The following SLC24A2 variants were observed in gnomAD, a reference collection of about 807,000 sequenced individuals.
SLC24A2 encodes the protein solute carrier family 24 member 2.
SLC24A2 carries 36 observed loss-of-function variants against 62.0 expected under a neutral mutation model. That is an observed-to-expected ratio of 0.58 (90% CI 0.44 to 0.77). The LOEUF (loss-of-function observed/expected upper bound fraction) is 0.77. SLC24A2 is among the 30% of genes least tolerant of loss of function. The probability of loss-of-function intolerance (pLI) is 0.00; values close to 1 mark genes in which losing one functional copy is unlikely to be tolerated. For synonymous variants in SLC24A2, 358 were observed against 294.0 expected, an observed-to-expected ratio of 1.22 and a Z score of -2.23; for missense variants, 846 against 817.9, an observed-to-expected ratio of 1.03 and a Z score of -0.42.
chr9:19,920,331 T>C, the SLC24A2 span, among the ~76,000 whole-genome samples: 4 of 152,228 alleles, frequency 2.6e-5, no homozygotes, highest in Admixed American at 2.6e-4. Context: ...GAGTTAGTTT[T>C]TGGACAATTT....
intron 2 of SLC24A2, among the ~76,000 whole-genome samples, chr9:19,670,917 G>T (rs754164028): frequency 1.3e-5 from 2 of 152,100 alleles, no homozygotes; most frequent in Admixed American, 1.3e-4. Flanking sequence ...CCAGTGCCAA[G>T]ACCTCAAACT....
chr9:20,134,639 GAA>G, the SLC24A2 span, among the ~76,000 whole-genome samples: 1 of 152,138 alleles, frequency 6.6e-6, no homozygotes, highest in African/African-American at 2.4e-5. Context: ...GGAAAATTTT[GAA>G]AAGTGTTATT....
At chr9:20,270,638 C>T in the SLC24A2 span, among the ~76,000 whole-genome samples, 1 of 152,138 alleles carries the variant, frequency 6.6e-6, no homozygotes, top group Non-Finnish European at 1.5e-5. Context: ...AAGATCTTTC[C>T]CAGCCCAAAG....
At chr9:20,266,551 T>C in the SLC24A2 span, among the ~76,000 whole-genome samples, 2 of 152,170 alleles carry the variant, frequency 1.3e-5, no homozygotes, top group Non-Finnish European at 2.9e-5. Context: ...ATTTTTTTTT[T>C]TGGCACATCT....
chr9:19,938,338 G>C, the SLC24A2 span, among the ~76,000 whole-genome samples: 1 of 152,100 alleles, frequency 6.6e-6, no homozygotes, highest in Non-Finnish European at 1.5e-5. Flanking sequence ...AGAAAAGTCT[G>C]AGAAAACTGA....
At chr9:20,228,810 C>T in the SLC24A2 span, among the ~76,000 whole-genome samples, 1 of 152,006 alleles carries the variant, frequency 6.6e-6, no homozygotes, top group Non-Finnish European at 1.5e-5. Context: ...CAGAAGAGGC[C>T]GGAGCTCCCA....
chr9:20,105,077 A>G, the SLC24A2 span, among the ~76,000 whole-genome samples: 1 of 152,234 alleles, frequency 6.6e-6, no homozygotes, highest in African/African-American at 2.4e-5. Context: ...ACTTTAAACC[A>G]ACAAAGATCA....
the SLC24A2 span, among the ~76,000 whole-genome samples, chr9:20,291,297 T>C: frequency 1.3e-5 from 2 of 151,914 alleles, no homozygotes; most frequent in Admixed American, 1.3e-4. Context: ...ATGCTTCTGG[T>C]TGGGGAAATC....
chr9:20,010,331 A>T, the SLC24A2 span, among the ~76,000 whole-genome samples: 2 of 152,178 alleles, frequency 1.3e-5, no homozygotes, highest in Non-Finnish European at 2.9e-5. Flanking sequence ...GTAAGAATAC[A>T]AACAATATGA....
chr9:20,201,256 T>A, the SLC24A2 span, among the ~76,000 whole-genome samples: 3 of 152,222 alleles, frequency 2.0e-5, no homozygotes, highest in African/African-American at 4.8e-5. Flanking sequence ...CCCACTGCAT[T>A]TGTCATCTTC....
chr9:20,105,354 G>T, the SLC24A2 span, among the ~76,000 whole-genome samples: 1 of 152,070 alleles, frequency 6.6e-6, no homozygotes, highest in Admixed American at 6.5e-5. Flanking sequence ...GGACCTAATA[G>T]ACATCTACAG....
chr9:20,233,781 G>C, the SLC24A2 span, among the ~76,000 whole-genome samples: 1 of 152,144 alleles, frequency 6.6e-6, no homozygotes, highest in Non-Finnish European at 1.5e-5. Context: ...GATGTTAGCT[G>C]GTTATTTTGC....
At chr9:19,890,930 T>A in the SLC24A2 span, among the ~76,000 whole-genome samples, 2 of 152,346 alleles carry the variant, frequency 1.3e-5, no homozygotes, top group African/African-American at 2.4e-5. Context: ...GGATGTCTGA[T>A]AAGCATCTCA....
At chr9:19,956,451 G>C in the SLC24A2 span, among the ~76,000 whole-genome samples, 2 of 152,186 alleles carry the variant, frequency 1.3e-5, no homozygotes, top group Admixed American at 1.3e-4. Flanking sequence ...GTTGTGATTA[G>C]GTCATTGTAT....
the SLC24A2 span, among the ~76,000 whole-genome samples, chr9:19,843,138 A>T: frequency 4.3e-4 from 66 of 152,180 alleles, no homozygotes; most frequent in African/African-American, 1.2e-3. Context: ...GGTTTTTTTT[A>T]AAAAAGCTAA....
chr9:19,856,088 G>A, the SLC24A2 span, among the ~76,000 whole-genome samples: 1 of 152,090 alleles, frequency 6.6e-6, no homozygotes, highest in African/African-American at 2.4e-5. Context: ...ATCAATACTT[G>A]TGGTTGCATT....
the SLC24A2 span, among the ~76,000 whole-genome samples, chr9:19,954,313 A>G: frequency 6.6e-6 from 1 of 152,274 alleles, no homozygotes; most frequent in East Asian, 1.9e-4. Flanking sequence ...TAATGTATGC[A>G]GATGAGAGGT....
upstream of SLC24A2, among the ~76,000 whole-genome samples, chr9:19,792,595 C>A (rs1587333907): frequency 6.7e-6 from 1 of 148,616 alleles, no homozygotes; most frequent in East Asian, 2.0e-4. Context: ...GTAATCCCAG[C>A]TACTTGGGAG....
intron 4 of SLC24A2, among the ~76,000 whole-genome samples, chr9:19,605,798 A>G (rs1379685947): frequency 6.6e-6 from 1 of 152,230 alleles, no homozygotes; most frequent in South Asian, 2.1e-4. Flanking sequence ...TTAACAGCCC[A>G]CGACAGATAC....
Sources: gnomAD v4.1 joint callset for allele counts (sites outside exome capture counted in the v4.1 genomes callset) on GRCh38, gnomAD v4.1.1 for gene constraint, MANE v1.5 for transcripts, NCBI Gene and HGNC (gene_info 2026-07-23, HGNC 2026-07-21) for gene names.